Variants in CACNA1B observed in about 807,000 individuals in gnomAD.
CACNA1B encodes calcium voltage-gated channel subunit alpha1 B.
A neutral mutation model predicts 247.2 loss-of-function variants in CACNA1B; 70 were observed. That is an observed-to-expected ratio of 0.28 (90% confidence interval 0.23 to 0.35). CACNA1B has a LOEUF of 0.35. Among genes scored for constraint, CACNA1B ranks in the 10% least tolerant of loss-of-function variants. CACNA1B has a pLI of 1.00. For synonymous variants in CACNA1B, 1,231 were observed against 1,294.4 expected (o/e 0.95, Z 1.05); for missense variants, 2,367 against 3,197.4 (o/e 0.74, Z 6.26).
At chr9:138,045,926 A>AG (rs937466896) in intron 21 of CACNA1B, among the ~76,000 whole-genome samples, 3 of 151,948 alleles carry the variant, frequency 2.0e-5, no homozygotes, top group African/African-American at 7.3e-5. Flanking sequence ...AAGAGCTTAG[A>AG]GGGGCTGGGG....
rs1957932244 is a variant in CACNA1B at position 137,955,148 on chromosome 9, G to GT, written c.1071-549dup. On this transcript the variant is annotated intron_variant, in intron 7 of 46. Coordinates refer to ENST00000371372, the MANE Select transcript of CACNA1B (RefSeq NM_000718.4). This position sits in a 1 kb window ranked among gnomAD's most constrained non-coding sequence, Gnocchi z 6.9. ...TTGAGGAGGCTACGTGGACTCTGCG[G>GT]TATTACCCTTCTGCCTCTGGCCTGC... Among the ~76,000 whole-genome samples the GT allele has an allele frequency of 1.3e-5, 2 of 152,154 alleles. No homozygotes were observed. The highest frequency in any genetic ancestry group is 2.9e-5 in the Non-Finnish European group (2 of 68,034).
chr9:138,120,950 G>A (rs985525067), intron 46 of CACNA1B, 69 bp downstream of exon 46: 83 of 1,488,048 alleles, frequency 5.6e-5, no homozygotes, highest in Admixed American at 7.9e-5. Context: ...TGTCCCACAG[G>A]CTCCTGCCTC....
At chr9:138,009,584 G>A (rs561599095) in intron 16 of CACNA1B, among the ~76,000 whole-genome samples, 47 of 152,336 alleles carry the variant, frequency 3.1e-4, no homozygotes, top group African/African-American at 1.1e-3. Flanking sequence ...AGTAGGAGCT[G>A]TTTGTGGGGA....
Position 137,954,879 on chromosome 9 carries a change from T to TGTGTGTGTGTGTGTGTGTGTGAGAGA in CACNA1B, c.1071-818_1071-817insTGTGTGTGTGTGTGTGTGTGAGAGAG, listed in dbSNP as rs1440887333. ...GCTTGTGTGTGTGTGTGTGTGTGTGTGAGAGAGAGAGAGAGAGAGAGAGGG... is the reference window on the plus strand; with the variant it reads ...GCTTGTGTGTGTGTGTGTGTGTGTGTGTGTGTGTGTGTGTGTGTGTGAGAGAGAGAGAGAGAGAGAGAGAGAGAGGG... On this transcript the variant is annotated intron_variant, in intron 7 of 46. Coordinates refer to ENST00000371372, the MANE Select transcript of CACNA1B (RefSeq NM_000718.4). The surrounding 1 kb of genome is among the most constrained non-coding windows in gnomAD (Gnocchi z 4.1). Among the ~76,000 whole-genome samples, 4 of 145,286 alleles carry TGTGTGTGTGTGTGTGTGTGTGAGAGA rather than the reference T, an allele frequency of 2.8e-5. No homozygotes were observed. Among genetic ancestry groups the TGTGTGTGTGTGTGTGTGTGTGAGAGA allele is most frequent in the African/African-American group, 1.0e-4 (4 of 38,732 alleles).
chr9:138,020,608 G>A lies in CACNA1B; in HGVS notation c.2268-2403G>A, dbSNP rs34647327. Among the ~76,000 whole-genome samples, 7,334 of 152,270 alleles carry A rather than the reference G, an allele frequency of 0.048. 240 individuals carry two copies. Among genetic ancestry groups the A allele is most frequent in the Non-Finnish European group, 0.066 (4,494 of 67,998 alleles). ...ATGCAGACAGTCTCTGGTGACGTTA[G>A]GGCTGACAGTGGCAGATAGGCCCGG... On this transcript the variant is annotated intron_variant, in intron 18 of 46. Coordinates refer to ENST00000371372, the MANE Select transcript of CACNA1B (RefSeq NM_000718.4). The surrounding 1 kb of genome is among the most constrained non-coding windows in gnomAD (Gnocchi z 4.1).
At chr9:138,056,960 G>C (rs1463274558) in intron 26 of CACNA1B, among the ~76,000 whole-genome samples, 1 of 124,692 alleles carries the variant, frequency 8.0e-6, no homozygotes, top group African/African-American at 3.6e-5. Context: ...TTTTGAGACG[G>C]AGTCTCGCTC....
chr9:137,892,985 A>AG (rs1234854396), intron 3 of CACNA1B, among the ~76,000 whole-genome samples: 5 of 152,118 alleles, frequency 3.3e-5, no homozygotes, highest in Admixed American at 6.5e-5. Context: ...GACACACGGG[A>AG]GGGGGGCCGC....
rs1962151927 is a variant in CACNA1B, at chr9:138,122,944, C to T, written c.*945C>T. 1 of 152,254 alleles carries T rather than the reference C, an allele frequency of 6.6e-6. No homozygotes were observed. Among genetic ancestry groups the T allele is most frequent in the African/African-American group, 2.4e-5 (1 of 41,448 alleles). 9.4% of individuals were successfully genotyped at this position (152,254 alleles called of 1,614,324 possible). On this transcript the variant is annotated 3_prime_UTR_variant, in exon 47 of 47. Transcript: ENST00000371372. The stretch of plus-strand genomic sequence containing the variant: ...TGGCAGCCAGGTAGCAAGCCCTTGC[C>T]AGTGGAGAGCACTGGATGTCATGGT...
intron 22 of CACNA1B, 68 bp downstream of exon 22, chr9:138,047,101 C>A: frequency 6.8e-7 from 1 of 1,474,622 alleles, no homozygotes. Context: ...TCCCAGGGGC[C>A]CAAGGGGCTG....
intron 6 of CACNA1B, among the ~76,000 whole-genome samples, chr9:137,951,616 C>T (rs1791186402): frequency 6.6e-6 from 1 of 152,212 alleles, no homozygotes; most frequent in African/African-American, 2.4e-5. Flanking sequence ...AAAAATGAAA[C>T]AACTATGGAA....
chr9:138,092,832 C>T (rs1362126954), intron 36 of CACNA1B, among the ~76,000 whole-genome samples: 4 of 152,136 alleles, frequency 2.6e-5, no homozygotes, highest in South Asian at 2.1e-4. Flanking sequence ...GTTCTTCTGC[C>T]GTGGCTTCAG....
Position 138,124,367 on chromosome 9 carries a change from AATT to A in CACNA1B, c.*2371_*2373del, listed in dbSNP as rs1178640735. 6.6e-6 allele frequency: 1 copy of A among 151,964 alleles called. No homozygotes were observed. The highest frequency in any genetic ancestry group is 2.4e-5 in the African/African-American group (1 of 41,386). 9.4% of individuals were successfully genotyped at this position (151,964 alleles called of 1,614,324 possible). A position where few individuals can be genotyped will look rare whatever the true frequency, so the allele number is the denominator to read the frequency against. On this transcript the variant is annotated 3_prime_UTR_variant, in exon 47 of 47. Transcript: ENST00000371372. ...ACAATGTATTCATTTGTTAATTTTT[AATT>A]ATATTTGATATAAATCAAAGGTTTG...
intron 20 of CACNA1B, among the ~76,000 whole-genome samples, chr9:138,028,724 A>G (rs1351888164): frequency 6.6e-6 from 1 of 152,178 alleles, no homozygotes; most frequent in Non-Finnish European, 1.5e-5. Context: ...CAGGTGCTTA[A>G]TCAAGTCCCT....
chr9:137,991,988 T>A (rs897135782), intron 15 of CACNA1B, among the ~76,000 whole-genome samples: 3 of 152,070 alleles, frequency 2.0e-5, no homozygotes, highest in Non-Finnish European at 2.9e-5. Context: ...TAGAACCTCC[T>A]TAAGACACAA....
intron 5 of CACNA1B, among the ~76,000 whole-genome samples, chr9:137,916,541 G>A (rs1957413156): frequency 6.6e-6 from 1 of 152,176 alleles, no homozygotes; most frequent in African/African-American, 2.4e-5. Context: ...GCGAGACCTG[G>A]GCCAGGAGGT....
chr9:138,119,464 A>C (rs1961998382), intron 44 of CACNA1B, among the ~76,000 whole-genome samples: 1 of 152,050 alleles, frequency 6.6e-6, no homozygotes, highest in Non-Finnish European at 1.5e-5. Context: ...AAGTGACCGG[A>C]GCCCCCGTGC....
chr9:138,080,156 A>G (rs544258236), intron 36 of CACNA1B, among the ~76,000 whole-genome samples: 29 of 152,302 alleles, frequency 1.9e-4, no homozygotes, highest in African/African-American at 6.7e-4. Context: ...AAGGGTAGAA[A>G]AGTGGATTAT....
At chr9:138,107,547 C>A (rs1259387777) in intron 39 of CACNA1B, among the ~76,000 whole-genome samples, 1 of 151,928 alleles carries the variant, frequency 6.6e-6, no homozygotes, top group Non-Finnish European at 1.5e-5. Flanking sequence ...AAAATATATC[C>A]AAAATGTGGC....
chr9:138,120,289 A>G lies in CACNA1B; in HGVS notation c.6155A>G (p.His2052Arg), dbSNP rs2131373777. Residue 2052 changes from histidine (H) to arginine (R), a missense_variant, in exon 45 of 47, where the codon CAC becomes CGC. Physicochemically the swap from His to Arg is conservative, Grantham distance 29 (BLOSUM62 0). Coordinates refer to ENST00000371372, the MANE Select transcript of CACNA1B (RefSeq NM_000718.4). Reference sequence around the variant, plus strand: ...CCTAGCCAGGCGTCGTCGCACCACCACCACCACCGCTGCCACCGCCGCAGG... The same window carrying G: ...CCTAGCCAGGCGTCGTCGCACCACCGCCACCACCGCTGCCACCGCCGCAGG... ...PPPSQASSHH[H>R]HHRCHRRRDR... is the part of the protein sequence containing the mutation. 3.2e-6 allele frequency: 5 copies of G among 1,569,654 alleles called. No individual in the cohort carries two copies. The East Asian group carries it at 1.2e-4, about 37-fold the overall frequency.
Sources: gnomAD v4.1 joint callset for allele counts (sites outside exome capture counted in the v4.1 genomes callset) on GRCh38, gnomAD v4.1.1 for gene constraint, Gnocchi (gnomAD v3.1) non-coding constraint, MANE v1.5 for transcripts, NCBI Gene and HGNC (gene_info 2026-07-23, HGNC 2026-07-21) for gene names.